Variants in CARS1 observed in about 807,000 individuals in gnomAD.
The protein encoded by CARS1 is cysteine--tRNA ligase, cytoplasmic.
CARS1 carries 48 observed loss-of-function variants against 106.2 expected under a neutral mutation model. The ratio of observed to expected loss-of-function variants is 0.45; its 90% CI spans 0.36 to 0.57. CARS1 has a LOEUF of 0.57. Ranked by LOEUF, CARS1 falls within the 20% of genes least tolerant of loss-of-function variation. The pLI, the probability that CARS1 is intolerant of heterozygous loss-of-function variation, is 0.00. For synonymous variants in CARS1, 409 were observed against 403.4 expected (o/e 1.01, Z -0.17); for missense variants, 968 against 1,057.2 (o/e 0.92, Z 1.17).
In CARS1 at chr11:3,030,629, G is replaced by C. The variant is rs1269406680; in HGVS notation, c.802-1186C>G. On this transcript the variant is annotated intron_variant, in intron 7 of 22. Coordinates refer to ENST00000380525, the MANE Select transcript of CARS1 (RefSeq NM_001014437.3). This position sits in a 1 kb window ranked among gnomAD's most constrained non-coding sequence, Gnocchi z 5.7. Reference sequence around the variant, plus strand: ...GAGGTCACCAAACACCCAAGAACATGAGCAACTGTGAATGGGAGTCAGCAG... The same window carrying C: ...GAGGTCACCAAACACCCAAGAACATCAGCAACTGTGAATGGGAGTCAGCAG... 6.6e-6 allele frequency: 1 copy of C among 152,270 alleles called. No homozygotes were observed. The highest frequency in any genetic ancestry group is 1.5e-5 in the Non-Finnish European group (1 of 68,058). The allele number at this position is 152,270 out of a possible 1,614,324, so 9.4% of individuals were successfully genotyped here. A position where few individuals can be genotyped will look rare whatever the true frequency, so the allele number is the denominator to read the frequency against.
chr11:3,045,243 G>T lies in CARS1; in HGVS notation c.274+2510C>A, dbSNP rs988018569. ...GCTTCACAGGAGTAGGGACCTGGGG[G>T]TTAAGCAGAGCCTTTCCATTATCTC... On this transcript the variant is annotated intron_variant, in intron 2 of 22. Coordinates refer to ENST00000380525, the MANE Select transcript of CARS1 (RefSeq NM_001014437.3). This position sits in a 1 kb window ranked among gnomAD's most constrained non-coding sequence, Gnocchi z 5.6. Among the ~76,000 whole-genome samples, 1 of 152,112 alleles carries T rather than the reference G, an allele frequency of 6.6e-6. No individual in the cohort carries two copies. Among genetic ancestry groups the T allele is most frequent in the Non-Finnish European group, 1.5e-5 (1 of 68,036 alleles).
rs536679592 is a variant in CARS1, at chr11:3,040,494, T to C, written c.455+402A>G. 14 of 471,462 alleles carry C rather than the reference T, an allele frequency of 3.0e-5. No homozygotes were observed. Among genetic ancestry groups the C allele is most frequent in the Non-Finnish European group, 5.9e-5 (14 of 237,662 alleles). The allele number at this position is 471,462 out of a possible 1,614,324, so 29.2% of individuals were successfully genotyped here. On this transcript the variant is annotated intron_variant, in intron 4 of 22. Coordinates refer to ENST00000380525, the MANE Select transcript of CARS1 (RefSeq NM_001014437.3). This position sits in a 1 kb window ranked among gnomAD's most constrained non-coding sequence, Gnocchi z 5.8. ...AGGAGCTACAGCCATGACCATCCAG[T>C]GGTCGGGGGGCGGTCACAGCCAACC...
chr11:3,039,953 C>T lies in CARS1; in HGVS notation c.456-22G>A, dbSNP rs778159151. 7 of 1,257,126 alleles carry T rather than the reference C, an allele frequency of 5.6e-6. No individual in the cohort carries two copies. Among genetic ancestry groups the T allele is most frequent in the Non-Finnish European group, 8.0e-6 (7 of 877,966 alleles). The allele number at this position is 1,257,126 out of a possible 1,614,324, so 77.9% of individuals were successfully genotyped here. On this transcript the variant is annotated intron_variant, in intron 4 of 22. Coordinates refer to ENST00000380525, the MANE Select transcript of CARS1 (RefSeq NM_001014437.3). This position sits in a 1 kb window ranked among gnomAD's most constrained non-coding sequence, Gnocchi z 5.6. The stretch of plus-strand genomic sequence containing the variant: ...GGACCTAAAGCAATGAAAAAACAAA[C>T]ATTTCCACACCAGACGATATGTATA...
intron 1 of CARS1, 21 bp downstream of exon 1, chr11:3,057,322 T>C: frequency 6.2e-7 from 1 of 1,606,192 alleles, no homozygotes; most frequent in Non-Finnish European, 8.5e-7. Context: ...GCCCTCAGCC[T>C]GGCCCGGCCG....
rs1248891696 is a variant in CARS1, at chr11:3,005,437, C to T, written c.2150-4G>A. 6.2e-7 allele frequency: 1 copy of T among 1,612,512 alleles called. No individual in the cohort carries two copies. The highest frequency in any genetic ancestry group is 8.5e-7 in the Non-Finnish European group (1 of 1,178,692). On this transcript the variant is annotated splice_polypyrimidine_tract_variant and splice_region_variant and intron_variant, in intron 19 of 22. Coordinates refer to ENST00000380525, the MANE Select transcript of CARS1 (RefSeq NM_001014437.3). ...AGTTTCACCACTGTGGGCAGTCCTG[C>T]AAAATAAACTGCGTGTGAGAAGAGT...
rs1270905072 is a variant in CARS1, at chr11:3,029,624, C to T, written c.802-181G>A. On this transcript the variant is annotated intron_variant, in intron 7 of 22. Transcript: ENST00000380525. The surrounding 1 kb of genome is among the most constrained non-coding windows in gnomAD (Gnocchi z 5.9). ...ACAACTGGCTCGGCAGGGACAAATA[C>T]AAGACTCTACAAATGGGCAGGTCTC... is the stretch of plus-strand genomic sequence containing the variant. 3.3e-6 allele frequency: 2 copies of T among 611,876 alleles called. No homozygotes were observed. Among genetic ancestry groups the T allele is most frequent in the Non-Finnish European group, 5.6e-6 (2 of 354,732 alleles). 37.9% of individuals were successfully genotyped at this position (611,876 alleles called of 1,614,324 possible). A position where few individuals can be genotyped will look rare whatever the true frequency, so the allele number is the denominator to read the frequency against.
At chr11:3,024,962 T>C (rs541477675) in intron 10 of CARS1, among the ~76,000 whole-genome samples, 3 of 152,278 alleles carry the variant, frequency 2.0e-5, no homozygotes, top group African/African-American at 2.4e-5. Context: ...TTTCAAACCT[T>C]TCATATCCGT....
At position 3,029,464 on chromosome 11, in the gene CARS1, A is replaced by C; in HGVS notation, c.802-21T>G. ...AACACCTGAAGAGAAAGAAACAAAA[A>C]TCCAGCAGCGGGCCACACACTTCAC... On this transcript the variant is annotated intron_variant, in intron 7 of 22. Transcript: ENST00000380525. This position sits in a 1 kb window ranked among gnomAD's most constrained non-coding sequence, Gnocchi z 5.9. 2.5e-6 allele frequency: 4 copies of C among 1,611,568 alleles called. No individual in the cohort carries two copies. The South Asian group carries it at 4.4e-5, about 18-fold the overall frequency.
At chr11:3,015,263 T>C (rs1339208348) in intron 17 of CARS1, among the ~76,000 whole-genome samples, 1 of 152,258 alleles carries the variant, frequency 6.6e-6, no homozygotes, top group Non-Finnish European at 1.5e-5. Flanking sequence ...CAGGGGGTCC[T>C]GGCTCAGGCC....
In CARS1 at chr11:3,039,096, C is replaced by G. The variant is rs942882720; in HGVS notation, c.651+98G>C. On this transcript the variant is annotated intron_variant, in intron 6 of 22. Coordinates refer to ENST00000380525, the MANE Select transcript of CARS1 (RefSeq NM_001014437.3). The surrounding 1 kb of genome is among the most constrained non-coding windows in gnomAD (Gnocchi z 5.6). ...TTGAGTAACATACACTTTGTGAAAG[C>G]CTGTGAGACTGACACTACCCTAGGG... 115 of 753,570 alleles carry G rather than the reference C, an allele frequency of 1.5e-4. No homozygotes were observed. Among genetic ancestry groups the G allele is most frequent in the Admixed American group, 4.4e-4 (19 of 43,348 alleles). The allele number at this position is 753,570 out of a possible 1,614,324, so 46.7% of individuals were successfully genotyped here. A position where few individuals can be genotyped will look rare whatever the true frequency, so the allele number is the denominator to read the frequency against.
chr11:3,026,626 G>A (rs926253386), intron 10 of CARS1, 50 bp downstream of exon 10: 5 of 1,602,142 alleles, frequency 3.1e-6, no homozygotes, highest in Non-Finnish European at 4.3e-6. Flanking sequence ...ACACAACCCA[G>A]GCTGGGCCAG....
chr11:3,012,389 C>A, intron 17 of CARS1, 113 bp from the exon 18 acceptor site: 1 of 866,192 alleles, frequency 1.2e-6, no homozygotes, highest in South Asian at 1.4e-5. Flanking sequence ...GGCAGTGCTG[C>A]TGTGCACACT....
intron 17 of CARS1, 148 bp downstream of exon 17, chr11:3,015,633 G>A (rs1300210053): frequency 2.8e-6 from 2 of 709,434 alleles, no homozygotes; most frequent in African/African-American, 1.7e-5. Context: ...AGCACTCTCA[G>A]AGCCAGAATT....
intron 10 of CARS1, among the ~76,000 whole-genome samples, chr11:3,024,179 C>T (rs1851832376): frequency 6.6e-6 from 1 of 152,230 alleles, no homozygotes; most frequent in African/African-American, 2.4e-5. Flanking sequence ...GCGTGAGCCA[C>T]TGCACCCGGC....
chr11:3,005,827 G>C (rs1023128144), intron 19 of CARS1, among the ~76,000 whole-genome samples: 17 of 152,034 alleles, frequency 1.1e-4, no homozygotes, highest in African/African-American at 3.9e-4. Context: ...GCCTAGGCTG[G>C]TCTCGAACTC....
rs1434675821 is a variant in CARS1, at chr11:3,002,365, C to A, written c.2277+176G>T. On this transcript the variant is annotated intron_variant, in intron 21 of 22. Coordinates refer to ENST00000380525, the MANE Select transcript of CARS1 (RefSeq NM_001014437.3). ...TCCCCTTGGCCAGGCCTTCCCTGCA[C>A]CCCATGTGAGAAGGGCCTGGCAGGC... The A allele has an allele frequency of 6.5e-6, 8 of 1,234,182 alleles. No homozygotes were observed. The East Asian group carries it at 9.4e-5, about 14-fold the overall frequency. 76.5% of individuals were successfully genotyped at this position (1,234,182 alleles called of 1,614,324 possible).
rs1231189364 is a variant in CARS1, at chr11:3,034,836, G to A, written c.801+3214C>T. Among the ~76,000 whole-genome samples, 1 of 152,146 alleles carries A rather than the reference G, an allele frequency of 6.6e-6. No homozygotes were observed. The highest frequency in any genetic ancestry group is 6.5e-5 in the Admixed American group (1 of 15,270). On this transcript the variant is annotated intron_variant, in intron 7 of 22. Transcript: ENST00000380525. This position sits in a 1 kb window ranked among gnomAD's most constrained non-coding sequence, Gnocchi z 6.3. ...GGCATGAGCCACGATGCCCTGCCTG[G>A]GAATGGGTAATTTTTAAATAAAATT... is the stretch of plus-strand genomic sequence containing the variant.
chr11:3,012,227 T>C lies in CARS1; in HGVS notation c.2036A>G (p.Glu679Gly). The C allele has an allele frequency of 6.2e-7, 1 of 1,614,200 alleles. No homozygotes were observed. Among genetic ancestry groups the C allele is most frequent in the South Asian group, 1.1e-5 (1 of 91,084 alleles). ...PYLQVLSEFREGVRKIAREQK... is the reference protein window; with the variant it reads ...PYLQVLSEFRGGVRKIAREQK... ...CTCTCGGGCAATCTTCCGCACTCCT[T>C]CTCGGAATTCTGATAACACCTGAAG... The change falls in exon 18 of 23, where the codon GAA (glutamate) becomes GGA (glycine). Residue 679 changes from glutamate to glycine, a missense_variant. Glu to Gly is a moderately conservative substitution (Grantham distance 98, BLOSUM62 -2). Transcript: ENST00000380525.
rs558115685 is a variant in CARS1, at chr11:3,004,890, G to A, written c.2217+476C>T. On this transcript the variant is annotated intron_variant, in intron 20 of 22. Transcript: ENST00000380525. The surrounding 1 kb of genome is among the most constrained non-coding windows in gnomAD (Gnocchi z 5.2). ...TGGGAGGCCAAGGTGGGTGGATCACGAGGTCAGGAGATTGAGACCAGCCTG... is the reference window on the plus strand; with the variant it reads ...TGGGAGGCCAAGGTGGGTGGATCACAAGGTCAGGAGATTGAGACCAGCCTG... 9.3e-4 allele frequency among the ~76,000 whole-genome samples: 142 copies of A among 152,174 alleles called. No homozygotes were observed. Among genetic ancestry groups the A allele is most frequent in the Admixed American group, 1.4e-3 (21 of 15,288 alleles).
Sources: allele counts gnomAD v4.1 joint callset (sites outside exome capture counted in the v4.1 genomes callset), GRCh38; gene constraint gnomAD v4.1.1; non-coding constraint Gnocchi (gnomAD v3.1); transcripts MANE v1.5; gene names NCBI Gene and HGNC (gene_info 2026-07-23, HGNC 2026-07-21).